ROBO2: variants seen among roughly 807,000 people sequenced by gnomAD.
ROBO2 encodes roundabout guidance receptor 2.
Under a neutral mutation model 160.8 loss-of-function variants are expected in ROBO2, and 53 were observed. The ratio of observed to expected loss-of-function variants is 0.33; its 90% confidence interval spans 0.26 to 0.41. The LOEUF is 0.41. Ranked by LOEUF, ROBO2 falls within the 10% of genes least tolerant of loss-of-function variation. The pLI is 1.00. For missense variants in ROBO2, 1,577 were observed against 1,722.4 expected, an observed-to-expected ratio of 0.92 and a Z score of 1.49; for synonymous variants, 664 against 611.7, an observed-to-expected ratio of 1.09 and a Z score of -1.26.
intron 2 of ROBO2, among the ~76,000 whole-genome samples, chr3:76,474,327 A>G (rs1258024125): frequency 6.6e-6 from 1 of 152,176 alleles, no homozygotes; most frequent in Non-Finnish European, 1.5e-5. Flanking sequence ...ACATTATTAT[A>G]TACCAGTATT....
chr3:76,489,544 G>A (rs2079698076), intron 2 of ROBO2, among the ~76,000 whole-genome samples: 1 of 152,126 alleles, frequency 6.6e-6, no homozygotes, highest in Non-Finnish European at 1.5e-5. Flanking sequence ...AAGTAAGTAA[G>A]TAGTAAGAAG....
chr3:76,776,615 C>A (rs1309188655), intron 2 of ROBO2, among the ~76,000 whole-genome samples: 1 of 150,850 alleles, frequency 6.6e-6, no homozygotes. Context: ...TGATCCATTG[C>A]TCATCATAGT....
At chr3:77,344,178 T>C (rs1273241692) in intron 2 of ROBO2, among the ~76,000 whole-genome samples, 1 of 152,118 alleles carries the variant, frequency 6.6e-6, no homozygotes, top group Admixed American at 6.6e-5. Flanking sequence ...AAGGAGATGT[T>C]TGATGTAAAA....
chr3:77,058,200 C>A (rs1174318728), intron 1 of ROBO2, among the ~76,000 whole-genome samples: 1 of 152,024 alleles, frequency 6.6e-6, no homozygotes, highest in African/African-American at 2.4e-5. Flanking sequence ...GAATAGAAAA[C>A]TGAGCTTAGA....
intron 2 of ROBO2, among the ~76,000 whole-genome samples, chr3:76,221,624 G>C (rs921487370): frequency 6.6e-6 from 1 of 152,192 alleles, no homozygotes; most frequent in Non-Finnish European, 1.5e-5. Context: ...GCTGTGTAAG[G>C]TATTGCGATC....
chr3:77,439,853 T>C (rs1276658742), intron 2 of ROBO2, among the ~76,000 whole-genome samples: 1 of 152,156 alleles, frequency 6.6e-6, no homozygotes, highest in African/African-American at 2.4e-5. Flanking sequence ...GTTTTAGCTC[T>C]CTTCCAGACA....
At chr3:75,995,243 G>C (rs1206042843) in intron 2 of ROBO2, among the ~76,000 whole-genome samples, 1 of 152,126 alleles carries the variant, frequency 6.6e-6, no homozygotes, top group African/African-American at 2.4e-5. Flanking sequence ...CACAGGCCTG[G>C]AAGTCTAGAA....
chr3:76,443,599 T>C (rs2077028561), intron 2 of ROBO2, among the ~76,000 whole-genome samples: 1 of 152,194 alleles, frequency 6.6e-6, no homozygotes, highest in Non-Finnish European at 1.5e-5. Flanking sequence ...CTCCAAATAC[T>C]GCAGGGTCTA....
At chr3:77,357,292 T>C (rs12386344) in intron 2 of ROBO2, among the ~76,000 whole-genome samples, 47,728 of 151,958 alleles carry the variant, frequency 0.31, 7,988 homozygotes, top group Non-Finnish European at 0.38. Flanking sequence ...AATGGATTAA[T>C]ACAGTTATTG....
intron 2 of ROBO2, among the ~76,000 whole-genome samples, chr3:76,025,222 A>C (rs865811985): frequency 2.1e-4 from 32 of 151,758 alleles, no homozygotes; most frequent in Middle Eastern, 6.8e-3. Context: ...TTGTTTTTTT[A>C]TAATCAAACT....
At chr3:76,280,465 A>G (rs1366957269) in intron 2 of ROBO2, among the ~76,000 whole-genome samples, 1 of 152,032 alleles carries the variant, frequency 6.6e-6, no homozygotes, top group African/African-American at 2.4e-5. Flanking sequence ...CAAGCCAGAA[A>G]GAGAGCCCTT....
At chr3:77,131,121 G>A (rs554686362) in intron 2 of ROBO2, among the ~76,000 whole-genome samples, 3 of 152,168 alleles carry the variant, frequency 2.0e-5, no homozygotes, top group Non-Finnish European at 2.9e-5. Flanking sequence ...TTCTCTATGT[G>A]GGTATCATTT....
rs552934994 is a variant in ROBO2 at position 77,232,175 on chromosome 3, G to A, written c.388+133835G>A. Reference sequence around the variant, plus strand: ...CCTGCTATTATAAAGTTGCATTCTGGTGAAAGAGAAATAAAGTCAATTAGG... The same window carrying A: ...CCTGCTATTATAAAGTTGCATTCTGATGAAAGAGAAATAAAGTCAATTAGG... On this transcript the variant is annotated intron_variant, in intron 2 of 25. Transcript: ENST00000461745. Among the ~76,000 whole-genome samples the A allele has an allele frequency of 6.6e-5, 10 of 152,272 alleles. No homozygotes were observed. In the South Asian group the frequency reaches 2.1e-3, roughly 32 times the overall value.
chr3:76,831,855 G>A (rs187080931), intron 2 of ROBO2, among the ~76,000 whole-genome samples: 72 of 152,260 alleles, frequency 4.7e-4, no homozygotes, highest in African/African-American at 1.6e-3. Context: ...TGCTGAGTGG[G>A]TCAACTTGGA....
intron 2 of ROBO2, among the ~76,000 whole-genome samples, chr3:76,817,721 G>A (rs2065797785): frequency 1.3e-5 from 2 of 151,352 alleles, no homozygotes; most frequent in African/African-American, 2.4e-5. Context: ...GCTTAGCTCC[G>A]AATTATGAAT....
chr3:76,243,383 G>A (rs1705420488), intron 2 of ROBO2, among the ~76,000 whole-genome samples: 1 of 152,172 alleles, frequency 6.6e-6, no homozygotes, highest in Non-Finnish European at 1.5e-5. Flanking sequence ...GGGGCAGTAA[G>A]GTCATGTGGT....
intron 2 of ROBO2, among the ~76,000 whole-genome samples, chr3:76,692,842 T>C (rs2092831827): frequency 6.6e-6 from 1 of 151,808 alleles, no homozygotes; most frequent in Non-Finnish European, 1.5e-5. Flanking sequence ...TATTCAGGGC[T>C]CTCCAGAGAA....
At chr3:76,051,086 T>C (rs1457061431) in intron 2 of ROBO2, among the ~76,000 whole-genome samples, 1 of 152,216 alleles carries the variant, frequency 6.6e-6, no homozygotes, top group African/African-American at 2.4e-5. Flanking sequence ...AATCTTACAC[T>C]GTTTGTTATA....
chr3:77,399,515 TTGTG>T (rs2075601790), intron 2 of ROBO2, among the ~76,000 whole-genome samples: 1 of 152,180 alleles, frequency 6.6e-6, no homozygotes, highest in Non-Finnish European at 1.5e-5. Context: ...ACATTTCAAA[TTGTG>T]TGTTTTAAAG....
Sources: gnomAD v4.1 joint callset for allele counts (sites outside exome capture counted in the v4.1 genomes callset) on GRCh38, gnomAD v4.1.1 for gene constraint, MANE v1.5 for transcripts, NCBI Gene and HGNC (gene_info 2026-07-23, HGNC 2026-07-21) for gene names.